The following ANKRD30A variants were observed in gnomAD, a reference collection of about 807,000 sequenced individuals.
ANKRD30A encodes ankyrin repeat domain-containing protein 30A.
A neutral mutation model predicts 166.3 loss-of-function variants in ANKRD30A; 170 were observed. The observed-to-expected ratio is 1.02, with a 90% CI of 0.90 to 1.16. The LOEUF (loss-of-function observed/expected upper bound fraction) is 1.16, where lower values mean the gene tolerates loss of function less well. Among genes scored for constraint, ANKRD30A ranks in the 50% most tolerant of loss-of-function variants. The probability of loss-of-function intolerance (pLI) is 0.00; values close to 1 mark genes in which losing one functional copy is unlikely to be tolerated. For synonymous variants in ANKRD30A, 564 were observed against 508.9 expected, an observed-to-expected ratio of 1.11 and a Z score of -1.46; for missense variants, 1,630 against 1,518.0, an observed-to-expected ratio of 1.07 and a Z score of -1.23.
chr10:37,132,168 T>C, intron 3 of ANKRD30A, 72 bp from the exon 4 acceptor site: 6 of 1,028,924 alleles, frequency 5.8e-6, no homozygotes, highest in Non-Finnish European at 8.3e-6. Flanking sequence ...TCATAAGATA[T>C]TATATAAGGT....
intron 1 of ANKRD30A, among the ~76,000 whole-genome samples, chr10:37,127,037 ACT>A (rs1836066674): frequency 7.9e-6 from 1 of 127,122 alleles, no homozygotes; most frequent in East Asian, 2.5e-4. Context: ...ATAGAGTGAA[ACT>A]CTGTCTCAAA....
intron 21 of ANKRD30A, among the ~76,000 whole-genome samples, chr10:37,171,765 A>G (rs1839582961): frequency 6.6e-6 from 1 of 150,872 alleles, no homozygotes; most frequent in Non-Finnish European, 1.5e-5. Context: ...AGAGTTGGTT[A>G]CAGATTCATT....
chr10:37,160,131 A>G (rs185757137), intron 15 of ANKRD30A, among the ~76,000 whole-genome samples: 43 of 152,354 alleles, frequency 2.8e-4, no homozygotes, highest in Non-Finnish European at 5.0e-4. Context: ...ATAGTTTGCC[A>G]TGTTAATTCT....
chr10:37,248,592 C>CTGA, the ANKRD30A span, among the ~76,000 whole-genome samples: 6 of 152,056 alleles, frequency 3.9e-5, no homozygotes, highest in African/African-American at 1.5e-4. Flanking sequence ...GCATGGAGTC[C>CTGA]TGATGAGAGC....
At chr10:37,203,945 C>T (rs1841820137) in intron 31 of ANKRD30A, among the ~76,000 whole-genome samples, 1 of 152,074 alleles carries the variant, frequency 6.6e-6, no homozygotes, top group Admixed American at 6.6e-5. Context: ...TGTGAAGGAC[C>T]TCTTCAAGGA....
At chr10:37,191,754 G>A (rs1349929525) in intron 25 of ANKRD30A, among the ~76,000 whole-genome samples, 1 of 151,900 alleles carries the variant, frequency 6.6e-6, no homozygotes, top group Admixed American at 6.6e-5. Context: ...CCAGCACTTT[G>A]GGAGGCAAAG....
At chr10:37,162,223 G>C (rs563736162) in intron 15 of ANKRD30A, among the ~76,000 whole-genome samples, 17 of 152,238 alleles carry the variant, frequency 1.1e-4, no homozygotes, top group Non-Finnish European at 2.2e-4. Flanking sequence ...TCAGAGACAA[G>C]ATGTCAGTTC....
the ANKRD30A span, among the ~76,000 whole-genome samples, chr10:37,263,106 G>A: frequency 4.0e-5 from 6 of 150,954 alleles, no homozygotes; most frequent in African/African-American, 1.2e-4. Flanking sequence ...AGACATTTTC[G>A]TTATTTTCAG....
rs777482814 is a variant in ANKRD30A, at chr10:37,219,284, T to C, written c.3572T>C (p.Leu1191Pro). ...KLKEKQDKEILEAEIESHHPR... is the reference protein window; with the variant it reads ...KLKEKQDKEIPEAEIESHHPR... ...AAGGAAAAACAAGACAAAGAAATAC[T>C]AGAGGCAGAAATTGAATCACACCAT... Residue 1191 changes from leucine to proline, a missense_variant, in exon 34 of 36, where the codon CTA (leucine) becomes CCA (proline). Transcript: ENST00000361713. 3.1e-6 allele frequency: 5 copies of C among 1,610,274 alleles called. No homozygotes were observed. In the Middle Eastern group the frequency reaches 6.6e-4, roughly 212 times the overall value.
intron 31 of ANKRD30A, among the ~76,000 whole-genome samples, chr10:37,202,436 C>T (rs975287189): frequency 2.0e-5 from 3 of 152,016 alleles, no homozygotes; most frequent in Non-Finnish European, 2.9e-5. Context: ...TCTTTGAAAC[C>T]GATGAGAACA....
At chr10:37,154,791 AG>A (rs1032186595) in intron 13 of ANKRD30A, among the ~76,000 whole-genome samples, 2 of 151,988 alleles carry the variant, frequency 1.3e-5, no homozygotes, top group African/African-American at 4.8e-5. Context: ...CATTTAGAAA[AG>A]TTTTACTGCA....
At chr10:37,192,788 G>C (rs1840709247) in intron 25 of ANKRD30A, among the ~76,000 whole-genome samples, 1 of 151,962 alleles carries the variant, frequency 6.6e-6, no homozygotes, top group South Asian at 2.1e-4. Flanking sequence ...CTGATAGTAG[G>C]ATATTTCTGC....
the ANKRD30A span, among the ~76,000 whole-genome samples, chr10:37,252,702 T>A: frequency 3.3e-5 from 5 of 152,030 alleles, no homozygotes; most frequent in Admixed American, 3.3e-4. Flanking sequence ...TTTTACTAAC[T>A]GTGTGACCTT....
chr10:37,162,923 T>C (rs1839047776), intron 17 of ANKRD30A, 75 bp downstream of exon 17: 1 of 1,533,892 alleles, frequency 6.5e-7, no homozygotes, highest in Admixed American at 1.9e-5. Flanking sequence ...CTGTACCCAA[T>C]GGTTTATTTT....
chr10:37,235,186 C>T (rs776646925), downstream of ANKRD30A, among the ~76,000 whole-genome samples: 11 of 152,202 alleles, frequency 7.2e-5, no homozygotes, highest in African/African-American at 1.2e-4. Flanking sequence ...CTCATTTTAT[C>T]CTAAGAATTG....
At chr10:37,150,970 G>A (rs1837890527) in intron 11 of ANKRD30A, among the ~76,000 whole-genome samples, 1 of 149,712 alleles carries the variant, frequency 6.7e-6, no homozygotes, top group Non-Finnish European at 1.5e-5. Context: ...ACGATCCAGG[G>A]TACGCTTCTA....
At chr10:37,162,430 G>T (rs1838986815) in intron 15 of ANKRD30A, among the ~76,000 whole-genome samples, 1 of 152,156 alleles carries the variant, frequency 6.6e-6, no homozygotes, top group African/African-American at 2.4e-5. Flanking sequence ...CGCTTTTGAA[G>T]TCTTAACTGC....
intron 34 of ANKRD30A, among the ~76,000 whole-genome samples, chr10:37,227,284 A>G (rs1843202941): frequency 6.6e-6 from 1 of 151,866 alleles, no homozygotes; most frequent in Admixed American, 6.6e-5. Context: ...AAATTTAGCT[A>G]TTTTATTTTG....
At chr10:37,243,942 T>C in the ANKRD30A span, among the ~76,000 whole-genome samples, 5 of 151,960 alleles carry the variant, frequency 3.3e-5, no homozygotes. Context: ...CCACTTACCA[T>C]TATGCAGTTC....
Sources: allele counts gnomAD v4.1 joint callset (sites outside exome capture counted in the v4.1 genomes callset), GRCh38; gene constraint gnomAD v4.1.1; transcripts MANE v1.5; gene names NCBI Gene and HGNC (gene_info 2026-07-23, HGNC 2026-07-21).